ADCY8: variants seen among roughly 807,000 people sequenced by gnomAD.
The protein encoded by ADCY8 is adenylate cyclase 8.
ADCY8 carries 51 observed loss-of-function variants against 119.7 expected under a neutral mutation model. That is an observed-to-expected ratio of 0.43 (90% CI 0.34 to 0.54). ADCY8 has a LOEUF of 0.54. Ranked by LOEUF, ADCY8 falls within the 20% of genes least tolerant of loss-of-function variation. ADCY8 has a pLI of 0.03. For missense variants in ADCY8, 1,383 were observed against 1,598.8 expected, an observed-to-expected ratio of 0.87 and a Z score of 2.30; for synonymous variants, 665 against 651.0, an observed-to-expected ratio of 1.02 and a Z score of -0.33.
Position 130,800,428 on chromosome 8 carries a change from C to A in ADCY8, c.3058G>T (p.Glu1020Ter). The A allele has an allele frequency of 6.2e-7, 1 of 1,614,132 alleles. No individual in the cohort carries two copies. Among genetic ancestry groups the A allele is most frequent in the Non-Finnish European group, 8.5e-7 (1 of 1,180,006 alleles). The change falls in exon 15 of 18, where the codon GAG becomes TAG. Residue 1020 changes from glutamate (E) to a stop codon, truncating the protein, a stop_gained and splice_region_variant. Transcript: ENST00000286355. LOFTEE classifies it high-confidence loss of function. ...LLNEIIADFD[E>*]LLGEDRFQDI... is the part of the protein sequence containing the mutation. ...AAATGTCTCAGGCTTAGATTTACCT[C>A]ATCGAAGTCAGCAATGATCTCATTG...
At chr8:130,883,193 C>A (rs111648316) in intron 8 of ADCY8, among the ~76,000 whole-genome samples, 1,870 of 152,196 alleles carry the variant, frequency 0.012, 38 homozygotes, top group African/African-American at 0.042. Flanking sequence ...TAAATAAAAG[C>A]GTTTTGTATA....
chr8:130,895,118 T>C (rs2130497009), intron 7 of ADCY8, among the ~76,000 whole-genome samples: 1 of 152,232 alleles, frequency 6.6e-6, no homozygotes, highest in Admixed American at 6.5e-5. Flanking sequence ...GGGAAAAGAA[T>C]CCAGATTTTT....
At chr8:130,825,851 T>C (rs1302460856) in intron 12 of ADCY8, among the ~76,000 whole-genome samples, 1 of 152,186 alleles carries the variant, frequency 6.6e-6, no homozygotes, top group Non-Finnish European at 1.5e-5. Flanking sequence ...TTTCTGTCTC[T>C]CTGCCTCATT....
intron 1 of ADCY8, among the ~76,000 whole-genome samples, chr8:131,006,286 C>T (rs1160488954): frequency 6.6e-6 from 1 of 152,160 alleles, no homozygotes; most frequent in Non-Finnish European, 1.5e-5. Flanking sequence ...AGTTGACACA[C>T]AGCAGTCATT....
intron 4 of ADCY8, among the ~76,000 whole-genome samples, chr8:130,939,031 G>T (rs1159946131): frequency 6.6e-6 from 1 of 152,078 alleles, no homozygotes; most frequent in Admixed American, 6.6e-5. Context: ...GCCCAGATTT[G>T]TGGAGTCAGT....
chr8:130,853,015 C>A (rs551193353), intron 9 of ADCY8, among the ~76,000 whole-genome samples: 4 of 152,320 alleles, frequency 2.6e-5, no homozygotes, highest in Admixed American at 2.6e-4. Context: ...AGACTTCCAC[C>A]TACATGCCCA....
intron 12 of ADCY8, among the ~76,000 whole-genome samples, chr8:130,822,097 T>G (rs541437757): frequency 6.6e-6 from 1 of 152,330 alleles, no homozygotes; most frequent in Admixed American, 6.5e-5. Flanking sequence ...GTCTTTGTCC[T>G]TGAAACATTA....
In ADCY8 at chr8:130,882,857, G is replaced by A. The variant is rs554427746; in HGVS notation, c.2109+1707C>T. Among the ~76,000 whole-genome samples the A allele has an allele frequency of 2.2e-4, 34 of 152,206 alleles. 1 individual carries two copies. In the Middle Eastern group the frequency reaches 0.017, roughly 76 times the overall value. On this transcript the variant is annotated intron_variant, in intron 8 of 17. Coordinates refer to ENST00000286355, the MANE Select transcript of ADCY8 (RefSeq NM_001115.3). ...AGCAAGAGTCAATGAAGAGTATCTCGGTAAGAGTCAGTGAAGAATATCTCG... is the reference window on the plus strand; with the variant it reads ...AGCAAGAGTCAATGAAGAGTATCTCAGTAAGAGTCAGTGAAGAATATCTCG...
At chr8:130,869,711 G>A (rs1044706719) in intron 8 of ADCY8, among the ~76,000 whole-genome samples, 3 of 151,332 alleles carry the variant, frequency 2.0e-5, no homozygotes, top group Non-Finnish European at 4.4e-5. Context: ...TAGAGATGGG[G>A]TTTCACCATG....
chr8:130,920,904 T>C (rs1324180074), intron 5 of ADCY8, among the ~76,000 whole-genome samples: 3 of 152,166 alleles, frequency 2.0e-5, no homozygotes, highest in Non-Finnish European at 4.4e-5. Context: ...AGCTACAATA[T>C]CAACTCTTCC....
At chr8:130,851,606 G>A (rs1298351445) in intron 9 of ADCY8, among the ~76,000 whole-genome samples, 1 of 152,160 alleles carries the variant, frequency 6.6e-6, no homozygotes, top group East Asian at 1.9e-4. Context: ...GAGGAAACGT[G>A]TTCAGAAGAG....
Position 130,877,329 on chromosome 8 carries a change from A to G in ADCY8, c.2109+7235T>C, listed in dbSNP as rs372139157. Among the ~76,000 whole-genome samples, 95 of 152,288 alleles carry G rather than the reference A, an allele frequency of 6.2e-4. No homozygotes were observed. The South Asian group carries it at 0.019, about 31-fold the overall frequency. On this transcript the variant is annotated intron_variant, in intron 8 of 17. Coordinates refer to ENST00000286355, the MANE Select transcript of ADCY8 (RefSeq NM_001115.3). ...CCCAGGGCACAGAAGCTGTGGCTTT[A>G]TGTCTTCCTATATCATCTCAGTATA...
chr8:130,914,338 C>T (rs753923083), intron 5 of ADCY8, among the ~76,000 whole-genome samples: 9 of 152,268 alleles, frequency 5.9e-5, no homozygotes, highest in South Asian at 4.1e-4. Flanking sequence ...AAACAGCACA[C>T]GGCGCTAATG....
intron 1 of ADCY8, among the ~76,000 whole-genome samples, chr8:131,002,059 A>C (rs983583375): frequency 3.9e-5 from 6 of 152,242 alleles, no homozygotes; most frequent in African/African-American, 1.4e-4. Context: ...AGTTTAGCTT[A>C]GTGGCTAAGA....
chr8:130,850,349 A>G (rs1475461323), intron 9 of ADCY8, among the ~76,000 whole-genome samples: 1 of 152,118 alleles, frequency 6.6e-6, no homozygotes, highest in African/African-American at 2.4e-5. Context: ...TCTCGAGTTT[A>G]CATCTCGAGT....
At chr8:130,847,550 A>G in intron 10 of ADCY8, 37 bp from the exon 11 acceptor site, 1 of 1,528,134 alleles carries the variant, frequency 6.5e-7, no homozygotes, top group Non-Finnish European at 9.0e-7. Context: ...AACAACAAAA[A>G]CAAAAACAGG....
At chr8:131,011,887 G>A (rs988365383) in intron 1 of ADCY8, among the ~76,000 whole-genome samples, 19 of 152,138 alleles carry the variant, frequency 1.2e-4, no homozygotes, top group African/African-American at 4.1e-4. Context: ...TACTCCCTGA[G>A]GATGGGTTGT....
At chr8:130,947,301 G>A (rs1821135099) in intron 3 of ADCY8, among the ~76,000 whole-genome samples, 1 of 152,138 alleles carries the variant, frequency 6.6e-6, no homozygotes, top group Non-Finnish European at 1.5e-5. Context: ...TATCATAACT[G>A]TGTGTTCTTG....
At position 130,855,487 on chromosome 8, in the gene ADCY8, A is replaced by G. The variant is rs10106144; in HGVS notation, c.2211-5684T>C. The stretch of plus-strand genomic sequence containing the variant: ...GCTTCACCTTGAATTCTAGAGTTGG[A>G]GACTCCTTATGACTAGCTGCTGGGT... On this transcript the variant is annotated intron_variant, in intron 9 of 17. Transcript: ENST00000286355. Among the ~76,000 whole-genome samples the G allele has an allele frequency of 8.7e-3, 1,315 of 151,906 alleles. 24 individuals carry two copies. The highest frequency in any genetic ancestry group is 0.031 in the African/African-American group (1,269 of 41,404).
Sources: allele counts gnomAD v4.1 joint callset (sites outside exome capture counted in the v4.1 genomes callset), GRCh38; gene constraint gnomAD v4.1.1; transcripts MANE v1.5; gene names NCBI Gene and HGNC (gene_info 2026-07-23, HGNC 2026-07-21).